Variants in AOPEP observed in about 807,000 individuals in gnomAD.
The protein encoded by AOPEP is aminopeptidase O (putative), also known as aminopeptidase O.
Under a neutral mutation model 98.1 loss-of-function variants are expected in AOPEP, and 77 were observed. The observed-to-expected ratio is 0.78, with a 90% CI of 0.65 to 0.95. AOPEP has a LOEUF of 0.95. Ranked by LOEUF, AOPEP falls within the 40% of genes least tolerant of loss-of-function variation. The pLI is 0.00. For synonymous variants in AOPEP, 346 were observed against 365.3 expected, an observed-to-expected ratio of 0.95 and a Z score of 0.60; for missense variants, 1,024 against 1,024.7, an observed-to-expected ratio of 1.00 and a Z score of 0.01.
intron 5 of AOPEP, among the ~76,000 whole-genome samples, chr9:94,860,683 G>A (rs1308461370): frequency 6.6e-6 from 1 of 152,138 alleles, no homozygotes; most frequent in East Asian, 1.9e-4. Flanking sequence ...TGACTCCCGA[G>A]TTTCTGGCAG....
At chr9:95,065,436 A>G (rs960591129) in intron 14 of AOPEP, 1 of 152,262 alleles carries the variant, frequency 6.6e-6, no homozygotes. Flanking sequence ...CGCCGGCACC[A>G]TCTTGGTGAT....
chr9:94,875,103 AT>A (rs1340072161), intron 5 of AOPEP, among the ~76,000 whole-genome samples: 1 of 152,030 alleles, frequency 6.6e-6, no homozygotes, highest in Non-Finnish European at 1.5e-5. Context: ...TAGTCTCAAG[AT>A]TTAGCCTTAT....
chr9:94,901,386 G>A (rs1049854014), intron 5 of AOPEP, among the ~76,000 whole-genome samples: 6 of 151,946 alleles, frequency 3.9e-5, no homozygotes, highest in African/African-American at 1.5e-4. Flanking sequence ...TTAAATGGGA[G>A]GATGGGCACT....
At chr9:94,767,466 T>G (rs978685259) in intron 2 of AOPEP, among the ~76,000 whole-genome samples, 8 of 152,176 alleles carry the variant, frequency 5.3e-5, no homozygotes, top group Non-Finnish European at 1.0e-4. Flanking sequence ...AAGAGCATAG[T>G]GTGTTCAAAA....
Position 95,086,808 on chromosome 9 carries a change from A to G in AOPEP, c.*131A>G, listed in dbSNP as rs4657. 0.71 allele frequency: 702,397 copies of G among 987,618 alleles called. 250,547 individuals are homozygous for G. Among genetic ancestry groups the G allele is most frequent in the Non-Finnish European group, 0.72 (599,745 of 829,982 alleles). The allele number at this position is 987,618 out of a possible 1,614,324, so 61.2% of individuals were successfully genotyped here. On this transcript the variant is annotated 3_prime_UTR_variant, in exon 17 of 17. Coordinates refer to ENST00000375315, the MANE Select transcript of AOPEP (RefSeq NM_001193329.3). ...GCCATCGGCCCACAGCCCTGTTCAC[A>G]TCTTGGTGCTTCTCTTTCCCAGAGG...
rs551817232 is a variant in AOPEP at position 94,988,294 on chromosome 9, G to A, written c.1977+8867G>A. Among the ~76,000 whole-genome samples, 9 of 152,256 alleles carry A rather than the reference G, an allele frequency of 5.9e-5. No individual in the cohort carries two copies. In the South Asian group the frequency reaches 1.9e-3, roughly 32 times the overall value. On this transcript the variant is annotated intron_variant, in intron 11 of 16. Coordinates refer to ENST00000375315, the MANE Select transcript of AOPEP (RefSeq NM_001193329.3). ...GATGCACCCAAATCCTACTCACGAC[G>A]GGGAAGGACGTTGGGAAGTCGGCAG...
intron 13 of AOPEP, among the ~76,000 whole-genome samples, chr9:95,024,586 C>T (rs1241811202): frequency 6.6e-6 from 1 of 152,230 alleles, no homozygotes; most frequent in Admixed American, 6.5e-5. Flanking sequence ...GTTTTGTACT[C>T]TGAGCCTGAG....
intron 6 of AOPEP, among the ~76,000 whole-genome samples, chr9:94,925,853 T>C (rs1227636629): frequency 6.6e-6 from 1 of 152,170 alleles, no homozygotes; most frequent in Admixed American, 6.5e-5. Context: ...GTTTCCTCAT[T>C]TGTAGAATGG....
chr9:94,905,898 G>A (rs902060569), intron 5 of AOPEP, among the ~76,000 whole-genome samples: 6 of 152,160 alleles, frequency 3.9e-5, no homozygotes, highest in African/African-American at 1.4e-4. Flanking sequence ...TGGGGGGAGG[G>A]GGCCGGGGCC....
At chr9:95,025,052 T>G (rs2063736310) in intron 13 of AOPEP, among the ~76,000 whole-genome samples, 1 of 152,220 alleles carries the variant, frequency 6.6e-6, no homozygotes, top group African/African-American at 2.4e-5. Context: ...AAAAATCAAA[T>G]CATTATATTT....
the AOPEP span, among the ~76,000 whole-genome samples, chr9:95,119,694 A>G: frequency 6.6e-6 from 1 of 151,642 alleles, no homozygotes; most frequent in African/African-American, 2.4e-5. Flanking sequence ...GATATCTATC[A>G]AAGAATAGAA....
chr9:94,978,396 A>G (rs2059979569), intron 10 of AOPEP, among the ~76,000 whole-genome samples: 1 of 152,242 alleles, frequency 6.6e-6, no homozygotes. Context: ...CATTCAAAAA[A>G]AAAATGAGGA....
chr9:94,810,737 T>C (rs1370178762), intron 5 of AOPEP, among the ~76,000 whole-genome samples: 3 of 152,236 alleles, frequency 2.0e-5, no homozygotes, highest in African/African-American at 7.2e-5. Context: ...TTGGATTTTC[T>C]TGGACTCTGT....
At chr9:95,115,601 C>A in the AOPEP span, among the ~76,000 whole-genome samples, 1 of 152,202 alleles carries the variant, frequency 6.6e-6, no homozygotes, top group African/African-American at 2.4e-5. Context: ...TTAAATACAG[C>A]TGAGCAGCAC....
intron 13 of AOPEP, among the ~76,000 whole-genome samples, chr9:95,038,774 T>C (rs1330186482): frequency 6.6e-6 from 1 of 152,208 alleles, no homozygotes; most frequent in Non-Finnish European, 1.5e-5. Context: ...AGCAGCAAGC[T>C]CGGTAAGTCC....
At chr9:95,137,768 AG>A in the AOPEP span, among the ~76,000 whole-genome samples, 7 of 152,202 alleles carry the variant, frequency 4.6e-5, no homozygotes, top group Admixed American at 4.6e-4. Context: ...GGAGGCAGGC[AG>A]GGGAGGAGGA....
At chr9:94,889,999 T>C (rs1018599274) in intron 5 of AOPEP, among the ~76,000 whole-genome samples, 13 of 152,072 alleles carry the variant, frequency 8.5e-5, no homozygotes, top group Non-Finnish European at 1.6e-4. Flanking sequence ...GCATATCTTT[T>C]GCCCATGTTC....
At chr9:95,006,138 C>T in intron 13 of AOPEP, 1 of 469,932 alleles carries the variant, frequency 2.1e-6, no homozygotes, top group South Asian at 1.6e-5. Context: ...CAGTATGTTA[C>T]TTTGCAGAAG....
intron 5 of AOPEP, among the ~76,000 whole-genome samples, chr9:94,803,241 G>A (rs778201626): frequency 7.2e-5 from 11 of 152,112 alleles, no homozygotes; most frequent in Non-Finnish European, 1.6e-4. Flanking sequence ...GCTCTTTCCC[G>A]AGTCCATATT....
Sources: allele counts gnomAD v4.1 joint callset (sites outside exome capture counted in the v4.1 genomes callset), GRCh38; gene constraint gnomAD v4.1.1; transcripts MANE v1.5; gene names NCBI Gene and HGNC (gene_info 2026-07-23, HGNC 2026-07-21).